KATNIP: variants seen among roughly 807,000 people sequenced by gnomAD.
KATNIP encodes the protein katanin interacting protein, also known as katanin-interacting protein.
KATNIP carries 126 observed loss-of-function variants against 174.0 expected under a neutral mutation model. The observed-to-expected ratio is 0.72, with a 90% confidence interval of 0.63 to 0.84. The LOEUF is 0.84. Among genes scored for constraint, KATNIP ranks in the 40% least tolerant of loss-of-function variants. The pLI, the probability that KATNIP is intolerant of heterozygous loss-of-function variation, is 0.00. For missense variants in KATNIP, 1,958 were observed against 2,109.7 expected (o/e 0.93, Z 1.41); for synonymous variants, 810 against 835.7 (o/e 0.97, Z 0.53).
At position 27,779,229 on chromosome 16, in the gene KATNIP, GC is replaced by G. The variant is rs1319087036; in HGVS notation, c.*602del. 4 of 152,382 alleles carry G rather than the reference GC, an allele frequency of 2.6e-5. No homozygotes were observed. Among genetic ancestry groups the G allele is most frequent in the Admixed American group, 6.5e-5 (1 of 15,294 alleles). 9.4% of individuals were successfully genotyped at this position (152,382 alleles called of 1,614,324 possible). ...GACCCTCTCTCATCCCGGTATAGGG[GC>G]CTCTCTCCTCTCATCGGGCCTGATA... On this transcript the variant is annotated 3_prime_UTR_variant, in exon 28 of 28. Coordinates refer to ENST00000261588, the MANE Select transcript of KATNIP (RefSeq NM_015202.5).
intron 7 of KATNIP, chr16:27,679,066 GA>G (rs2078229750): frequency 6.6e-6 from 1 of 152,242 alleles, no homozygotes; most frequent in Non-Finnish European, 1.5e-5. Flanking sequence ...AAACTTTTCT[GA>G]ACCATGATGA....
chr16:27,641,984 C>G (rs2076815083), intron 5 of KATNIP, among the ~76,000 whole-genome samples: 1 of 152,244 alleles, frequency 6.6e-6, no homozygotes, highest in South Asian at 2.1e-4. Context: ...CCTTCTCGAG[C>G]CATCTCTTCC....
chr16:27,570,977 T>G (rs1313280592), intron 1 of KATNIP, among the ~76,000 whole-genome samples: 1 of 152,218 alleles, frequency 6.6e-6, no homozygotes, highest in East Asian at 1.9e-4. Context: ...AAAAAAAGTT[T>G]TCAAATGCAT....
chr16:27,754,277 T>C (rs2143878394), intron 18 of KATNIP, 26 bp downstream of exon 18: 1 of 1,599,908 alleles, frequency 6.3e-7, no homozygotes, highest in East Asian at 2.2e-5. Context: ...GGAGCAGTGT[T>C]GGGTGGAAGG....
chr16:27,676,547 G>T (rs1229351648), intron 6 of KATNIP, among the ~76,000 whole-genome samples: 2 of 152,116 alleles, frequency 1.3e-5, no homozygotes, highest in African/African-American at 4.8e-5. Context: ...AGGTTTATTG[G>T]TCAATTATCA....
chr16:27,586,293 A>C (rs2090895039), intron 2 of KATNIP, among the ~76,000 whole-genome samples: 1 of 152,074 alleles, frequency 6.6e-6, no homozygotes, highest in Non-Finnish European at 1.5e-5. Flanking sequence ...AAATAAAAAT[A>C]AATTAAGAAT....
At chr16:27,659,467 A>C (rs1413183186) in intron 6 of KATNIP, among the ~76,000 whole-genome samples, 1 of 151,570 alleles carries the variant, frequency 6.6e-6, no homozygotes, top group Non-Finnish European at 1.5e-5. Context: ...CCATGATCGC[A>C]CCACTACCCT....
intron 14 of KATNIP, among the ~76,000 whole-genome samples, chr16:27,735,871 G>T (rs2080878119): frequency 6.6e-6 from 1 of 152,256 alleles, no homozygotes; most frequent in South Asian, 2.1e-4. Context: ...GGCAACACGG[G>T]AAATAAACGA....
intron 6 of KATNIP, among the ~76,000 whole-genome samples, chr16:27,658,646 A>G (rs2077371483): frequency 2.0e-5 from 3 of 152,200 alleles, no homozygotes; most frequent in Admixed American, 2.0e-4. Context: ...CATATTCTGC[A>G]CTTCTGGAAA....
At chr16:27,585,449 A>G (rs926970382) in intron 2 of KATNIP, among the ~76,000 whole-genome samples, 1 of 152,226 alleles carries the variant, frequency 6.6e-6, no homozygotes, top group Non-Finnish European at 1.5e-5. Context: ...GGAAGTGGGT[A>G]TATCGAAGGG....
At chr16:27,689,431 A>G (rs1157312369) in intron 8 of KATNIP, among the ~76,000 whole-genome samples, 1 of 152,016 alleles carries the variant, frequency 6.6e-6, no homozygotes, top group East Asian at 1.9e-4. Flanking sequence ...AAAGTCAACC[A>G]CATAGGACAT....
At chr16:27,640,211 T>A (rs913132120) in intron 5 of KATNIP, among the ~76,000 whole-genome samples, 2 of 152,198 alleles carry the variant, frequency 1.3e-5, no homozygotes, top group African/African-American at 4.8e-5. Context: ...TCCTCCCCCA[T>A]ATGATTGATA....
chr16:27,589,867 ACTGCAAC>A (rs1438214889), intron 2 of KATNIP, among the ~76,000 whole-genome samples: 1 of 151,916 alleles, frequency 6.6e-6, no homozygotes, highest in Non-Finnish European at 1.5e-5. Context: ...ATCTCCACTC[ACTGCAAC>A]CTTTGCCTCC....
At chr16:27,698,554 T>C (rs2078995370) in intron 9 of KATNIP, 54 bp downstream of exon 9, 1 of 1,515,240 alleles carries the variant, frequency 6.6e-7, no homozygotes, top group Admixed American at 2.0e-5. Context: ...CTGGGCAGTG[T>C]CTGAGCTGCA....
chr16:27,724,030 G>C (rs1043903377), intron 14 of KATNIP, among the ~76,000 whole-genome samples: 1 of 152,196 alleles, frequency 6.6e-6, no homozygotes, highest in Non-Finnish European at 1.5e-5. Flanking sequence ...TTGTTTGTTT[G>C]CTTGTTTGTT....
intron 20 of KATNIP, among the ~76,000 whole-genome samples, chr16:27,769,392 C>G (rs1429941337): frequency 1.3e-5 from 2 of 152,238 alleles, no homozygotes; most frequent in Admixed American, 6.5e-5. Flanking sequence ...GGCTAACATT[C>G]ACGAAGTATA....
At chr16:27,736,044 C>A (rs2080883395) in intron 14 of KATNIP, among the ~76,000 whole-genome samples, 1 of 152,132 alleles carries the variant, frequency 6.6e-6, no homozygotes, top group Non-Finnish European at 1.5e-5. Context: ...CTGTCGTCAC[C>A]CAGGCTGGAG....
At chr16:27,586,902 T>C (rs1041886685) in intron 2 of KATNIP, among the ~76,000 whole-genome samples, 7 of 150,480 alleles carry the variant, frequency 4.7e-5, no homozygotes, top group Middle Eastern at 3.2e-3. Flanking sequence ...ATTCTGGACT[T>C]TTCCAACTTC....
At chr16:27,589,383 G>A (rs2075100571) in intron 2 of KATNIP, among the ~76,000 whole-genome samples, 1 of 152,190 alleles carries the variant, frequency 6.6e-6, no homozygotes, top group African/African-American at 2.4e-5. Flanking sequence ...CTGCCATTGA[G>A]CACAAAAGCA....
Sources: allele counts gnomAD v4.1 joint callset (sites outside exome capture counted in the v4.1 genomes callset), GRCh38; gene constraint gnomAD v4.1.1; transcripts MANE v1.5; gene names NCBI Gene and HGNC (gene_info 2026-07-23, HGNC 2026-07-21).